Variants in BTBD9 observed in about 807,000 individuals in gnomAD.
BTBD9 encodes the protein BTB/POZ domain-containing protein 9.
In BTBD9, 49 loss-of-function variants were observed where a neutral mutation model predicts 64.3. The observed-to-expected ratio is 0.76, with a 90% confidence interval of 0.61 to 0.97. BTBD9 has a LOEUF of 0.97. Ranked by LOEUF, BTBD9 falls within the 50% of genes least tolerant of loss-of-function variation. BTBD9 has a pLI of 0.00. For missense variants in BTBD9, 598 were observed against 762.1 expected (o/e 0.78, Z 2.53); for synonymous variants, 260 against 274.7 (o/e 0.95, Z 0.53).
chr6:38,320,489 G>A (rs1763192613), intron 7 of BTBD9, among the ~76,000 whole-genome samples: 1 of 152,110 alleles, frequency 6.6e-6, no homozygotes, highest in Non-Finnish European at 1.5e-5. Context: ...GAGGAAAACA[G>A]CTGCTCTTCC....
intron 6 of BTBD9, among the ~76,000 whole-genome samples, chr6:38,565,023 T>C (rs907706202): frequency 1.3e-5 from 2 of 152,218 alleles, no homozygotes; most frequent in African/African-American, 2.4e-5. Flanking sequence ...CTTCACAACT[T>C]CTGTCTACCT....
chr6:38,389,329 A>C (rs1414432686), intron 6 of BTBD9, among the ~76,000 whole-genome samples: 1 of 152,330 alleles, frequency 6.6e-6, no homozygotes, highest in East Asian at 1.9e-4. Context: ...TTAATGATAC[A>C]TTACTGCATC....
chr6:38,489,358 T>C (rs964738583), intron 6 of BTBD9, among the ~76,000 whole-genome samples: 1 of 152,146 alleles, frequency 6.6e-6, no homozygotes, highest in Non-Finnish European at 1.5e-5. Flanking sequence ...CCCCAGCTAC[T>C]AGGGAAGCTC....
rs76059909 is a variant in BTBD9, at chr6:38,492,730, T to C, written c.1154+84870A>G. ...GTGGCACAAATAGCATATCAATTCT[T>C]TTCTTAAAGTGTTGATAAACCAAAA... On this transcript the variant is annotated intron_variant, in intron 6 of 10. Coordinates refer to ENST00000481247, the MANE Select transcript of BTBD9 (RefSeq NM_001099272.2). Among the ~76,000 whole-genome samples the C allele has an allele frequency of 5.1e-3, 773 of 152,324 alleles. 7 individuals are homozygous for C. Among genetic ancestry groups the C allele is most frequent in the African/African-American group, 0.017 (715 of 41,586 alleles).
intron 6 of BTBD9, among the ~76,000 whole-genome samples, chr6:38,401,045 C>T (rs1262439105): frequency 6.6e-6 from 1 of 152,162 alleles, no homozygotes; most frequent in Non-Finnish European, 1.5e-5. Context: ...CTGTTCTTTC[C>T]TTCCATAATA....
intron 9 of BTBD9, among the ~76,000 whole-genome samples, chr6:38,239,476 A>C (rs1213314461): frequency 6.6e-6 from 1 of 151,262 alleles, no homozygotes; most frequent in Admixed American, 6.6e-5. Context: ...AATCTCTTAT[A>C]GGAAATTTAA....
chr6:38,637,379 C>G lies in BTBD9; in HGVS notation c.-28+2421G>C, dbSNP rs946412425. ...TTACACATCTTGGTTAGCAATTCAA[C>G]TTCAGGTTTACATACCACTCAAAAG... On this transcript the variant is annotated intron_variant, in intron 1 of 10. Transcript: ENST00000481247. Among the ~76,000 whole-genome samples the G allele has an allele frequency of 2.6e-5, 4 of 152,290 alleles. No individual in the cohort carries two copies. The South Asian group carries it at 8.3e-4, about 32-fold the overall frequency.
chr6:38,586,607 G>A (rs559566938), intron 4 of BTBD9, among the ~76,000 whole-genome samples: 1 of 152,152 alleles, frequency 6.6e-6, no homozygotes, highest in Admixed American at 6.5e-5. Flanking sequence ...TCCAGATTCT[G>A]AACAACAACA....
At chr6:38,378,349 C>G (rs1319382513) in intron 6 of BTBD9, among the ~76,000 whole-genome samples, 2 of 150,480 alleles carry the variant, frequency 1.3e-5, no homozygotes, top group African/African-American at 2.4e-5. Flanking sequence ...GTTTAAACAA[C>G]TCTCCTGCCT....
chr6:38,239,858 T>C (rs947484094), intron 9 of BTBD9, among the ~76,000 whole-genome samples: 1 of 152,234 alleles, frequency 6.6e-6, no homozygotes, highest in Non-Finnish European at 1.5e-5. Flanking sequence ...CTGCTTATTA[T>C]ATAGTATTAC....
chr6:38,594,465 A>C (rs939083190), intron 2 of BTBD9, 138 bp from the exon 3 acceptor site: 20 of 1,026,004 alleles, frequency 1.9e-5, no homozygotes, highest in Non-Finnish European at 2.5e-5. Context: ...AATGCAAAGT[A>C]ATCATTTAAA....
At chr6:38,179,703 T>A (rs1158207549) in intron 10 of BTBD9, 4 of 456,672 alleles carry the variant, frequency 8.8e-6, no homozygotes, top group Admixed American at 7.0e-5. Context: ...TGTGCCTTCC[T>A]TAAGCCTGGA....
At chr6:38,383,989 G>A (rs1332793753) in intron 6 of BTBD9, among the ~76,000 whole-genome samples, 4 of 152,024 alleles carry the variant, frequency 2.6e-5, no homozygotes, top group Non-Finnish European at 5.9e-5. Flanking sequence ...ATGGGAATAC[G>A]CACTCCTCCT....
At chr6:38,249,790 G>GA (rs1259513723) in intron 9 of BTBD9, among the ~76,000 whole-genome samples, 16 of 149,246 alleles carry the variant, frequency 1.1e-4, no homozygotes, top group African/African-American at 2.9e-4. Context: ...AAGACTCAAG[G>GA]AAAAAAAAAG....
At chr6:38,529,001 G>A (rs1773650742) in intron 6 of BTBD9, among the ~76,000 whole-genome samples, 2 of 152,190 alleles carry the variant, frequency 1.3e-5, no homozygotes, top group African/African-American at 4.8e-5. Flanking sequence ...CCAGTTCTAG[G>A]CCTTGACTCC....
At chr6:38,463,456 G>A (rs1770197552) in intron 6 of BTBD9, among the ~76,000 whole-genome samples, 1 of 152,240 alleles carries the variant, frequency 6.6e-6, no homozygotes, top group Non-Finnish European at 1.5e-5. Flanking sequence ...ACATAGTCCT[G>A]ACGTTAGGAG....
At chr6:38,324,671 G>A (rs1289458679) in intron 7 of BTBD9, among the ~76,000 whole-genome samples, 1 of 152,204 alleles carries the variant, frequency 6.6e-6, no homozygotes, top group African/African-American at 2.4e-5. Flanking sequence ...ATGGCAAAGG[G>A]TACGTGGGAG....
chr6:38,419,930 C>T (rs1282602809), intron 6 of BTBD9, among the ~76,000 whole-genome samples: 3 of 152,038 alleles, frequency 2.0e-5, no homozygotes, highest in African/African-American at 7.2e-5. Context: ...GTATTCAAAG[C>T]AATCTTCCTT....
Position 38,487,686 on chromosome 6 carries a change from A to G in BTBD9, c.1154+89914T>C, listed in dbSNP as rs191145170. On this transcript the variant is annotated intron_variant, in intron 6 of 10. Transcript: ENST00000481247. ...AAAAGAGAAGAAAAGAGAAGAAAGG[A>G]AAAGAAAAGAAAAGAAAAAAGAAAG... Among the ~76,000 whole-genome samples the G allele has an allele frequency of 3.3e-3, 491 of 149,976 alleles. 2 individuals are homozygous for G. The highest frequency in any genetic ancestry group is 0.012 in the African/African-American group (465 of 39,522).
Sources: allele counts gnomAD v4.1 joint callset (sites outside exome capture counted in the v4.1 genomes callset), GRCh38; gene constraint gnomAD v4.1.1; transcripts MANE v1.5; gene names NCBI Gene and HGNC (gene_info 2026-07-23, HGNC 2026-07-21).